The following TRMT44 variants were observed in gnomAD, a reference collection of about 807,000 sequenced individuals.
The protein encoded by TRMT44 is tRNA methyltransferase 44 homolog, also known as probable tRNA (uracil-O(2)-)-methyltransferase.
In TRMT44, 78 loss-of-function variants were observed where a neutral mutation model predicts 77.3. That is an observed-to-expected ratio of 1.01 (90% CI 0.84 to 1.22). The LOEUF is 1.22. Among genes scored for constraint, TRMT44 ranks in the 50% most tolerant of loss-of-function variants. TRMT44 has a pLI of 0.00. For synonymous variants in TRMT44, 391 were observed against 383.3 expected (o/e 1.02, Z -0.23); for missense variants, 1,090 against 964.4 (o/e 1.13, Z -1.73).
At chr4:8,448,767 C>G (rs1453160952) in intron 2 of TRMT44, among the ~76,000 whole-genome samples, 1 of 152,208 alleles carries the variant, frequency 6.6e-6, no homozygotes, top group Non-Finnish European at 1.5e-5. Context: ...TGGCAGAAAA[C>G]CTGGAAACCA....
rs576381777 is a variant in TRMT44, at chr4:8,452,595, G to A, written c.1024-287G>A. On this transcript the variant is annotated intron_variant, in intron 4 of 10. Transcript: ENST00000389737. The surrounding 1 kb of genome is among the most constrained non-coding windows in gnomAD (Gnocchi z 5.7). ...ACTAAAAATACAAAATTAGCCAGGC[G>A]TGGTGGCAGGAGCCCATAGTTCCAG... 1.8e-4 allele frequency among the ~76,000 whole-genome samples: 28 copies of A among 152,254 alleles called. No individual in the cohort carries two copies. Among genetic ancestry groups the A allele is most frequent in the Non-Finnish European group, 3.4e-4 (23 of 68,022 alleles).
Position 8,449,749 on chromosome 4 carries a change from AAG to A in TRMT44, c.818_819del (p.Glu273ValfsTer16). 1 of 1,536,016 alleles carries A rather than the reference AAG, an allele frequency of 6.5e-7. No homozygotes were observed. Among genetic ancestry groups the A allele is most frequent in the Non-Finnish European group, 8.7e-7 (1 of 1,146,896 alleles). Reference sequence around the variant, plus strand: ...TATCCCAAACCCACGTGGCTTGGAGAAGAGTTGCTGGCCAAGTTGGCCAAGTG... The same window carrying A: ...TATCCCAAACCCACGTGGCTTGGAGAAGTTGCTGGCCAAGTTGGCCAAGTG... On this transcript the variant is annotated frameshift_variant, in exon 3 of 11. Coordinates refer to ENST00000389737, the MANE Select transcript of TRMT44 (RefSeq NM_152544.3). LOFTEE classifies it high-confidence loss of function.
chr4:8,486,917 G>C (rs1181527966), intron 2 of TRMT44, among the ~76,000 whole-genome samples: 5 of 152,154 alleles, frequency 3.3e-5, no homozygotes. Context: ...GGGAGGAGGG[G>C]AGAGGTCAGA....
At chr4:8,505,895 T>C in the TRMT44 span, among the ~76,000 whole-genome samples, 2 of 152,204 alleles carry the variant, frequency 1.3e-5, no homozygotes, top group South Asian at 2.1e-4. Context: ...CACTTCTGTC[T>C]CCTGCCACCA....
At chr4:8,501,418 A>C in the TRMT44 span, among the ~76,000 whole-genome samples, 5 of 152,146 alleles carry the variant, frequency 3.3e-5, no homozygotes, top group African/African-American at 1.2e-4. The surrounding 1 kb of genome is among the most constrained non-coding windows in gnomAD (Gnocchi z 4.4). Flanking sequence ...TCTGCCTCAA[A>C]AACTTGCAAC....
chr4:8,479,893 T>C (rs893621779), downstream of TRMT44, among the ~76,000 whole-genome samples: 3 of 152,194 alleles, frequency 2.0e-5, no homozygotes, highest in East Asian at 5.8e-4. Context: ...ATTTTGTTTT[T>C]TTGAGACGGG....
Position 8,476,020 on chromosome 4 carries a change from G to C in TRMT44, c.*19G>C, listed in dbSNP as rs549467599. 1.9e-6 allele frequency: 3 copies of C among 1,610,040 alleles called. No individual in the cohort carries two copies. The highest frequency in any genetic ancestry group is 1.7e-5 in the Admixed American group (1 of 59,884). On this transcript the variant is annotated 3_prime_UTR_variant, in exon 11 of 11. Transcript: ENST00000389737. ...TTCATGAGCTGCATCCTTGCCAGCC[G>C]AGGCCTGGTTGGGGAGGCCAAACCA...
At position 8,446,698 on chromosome 4, in the gene TRMT44, G is replaced by A; in HGVS notation, c.734+108G>A. ...GGCTTAAGGTCCTGTCTCTGAGGTGGTTATGGTTTGTAGGAATGCAGTTGC... is the reference window on the plus strand; with the variant it reads ...GGCTTAAGGTCCTGTCTCTGAGGTGATTATGGTTTGTAGGAATGCAGTTGC... On this transcript the variant is annotated intron_variant, in intron 2 of 10. Transcript: ENST00000389737. This position sits in a 1 kb window ranked among gnomAD's most constrained non-coding sequence, Gnocchi z 4.3. 4 of 702,656 alleles carry A rather than the reference G, an allele frequency of 5.7e-6. No individual in the cohort carries two copies. The highest frequency in any genetic ancestry group is 2.7e-4 in the Middle Eastern group (1 of 3,662). The allele number at this position is 702,656 out of a possible 1,614,324, so 43.5% of individuals were successfully genotyped here.
At chr4:8,447,796 A>C (rs1725157485) in intron 2 of TRMT44, among the ~76,000 whole-genome samples, 1 of 152,076 alleles carries the variant, frequency 6.6e-6, no homozygotes, top group Non-Finnish European at 1.5e-5. Context: ...GAGAGTGAGG[A>C]GTGAGAGCAG....
chr4:8,515,530 G>A, the TRMT44 span, among the ~76,000 whole-genome samples: 1 of 152,258 alleles, frequency 6.6e-6, no homozygotes, highest in South Asian at 2.1e-4. Context: ...TGTCACCAGG[G>A]GCAGGGCCAG....
the TRMT44 span, among the ~76,000 whole-genome samples, chr4:8,514,569 G>A: frequency 2.6e-5 from 4 of 152,042 alleles, no homozygotes; most frequent in South Asian, 6.3e-4. Flanking sequence ...GAGCCACTGC[G>A]TGCACTACCT....
chr4:8,461,814 G>A lies in TRMT44; in HGVS notation c.1204-2171G>A, dbSNP rs1209108986. 6.6e-6 allele frequency among the ~76,000 whole-genome samples: 1 copy of A among 152,128 alleles called. No individual in the cohort carries two copies. The highest frequency in any genetic ancestry group is 2.4e-5 in the African/African-American group (1 of 41,436). On this transcript the variant is annotated intron_variant, in intron 6 of 10. Transcript: ENST00000389737. The surrounding 1 kb of genome is among the most constrained non-coding windows in gnomAD (Gnocchi z 4.6). ...CTTGGAGGAGCATGGCCAGAATGAG[G>A]GTGGTTCCGTTGACGTGCACATGGT...
intron 6 of TRMT44, among the ~76,000 whole-genome samples, chr4:8,458,364 T>C (rs1725941496): frequency 6.6e-6 from 1 of 152,162 alleles, no homozygotes; most frequent in African/African-American, 2.4e-5. Flanking sequence ...CTCAGCCTGC[T>C]CAGTGTGAAG....
At chr4:8,467,548 T>C (rs941163683) in intron 8 of TRMT44, among the ~76,000 whole-genome samples, 3 of 152,350 alleles carry the variant, frequency 2.0e-5, no homozygotes, top group African/African-American at 7.2e-5. Flanking sequence ...ATTGGCACAA[T>C]CTTGGCTCAC....
chr4:8,450,024 T>C (rs1725342090), intron 3 of TRMT44, 136 bp downstream of exon 3: 260 of 407,248 alleles, frequency 6.4e-4, no homozygotes, highest in Non-Finnish European at 9.0e-4. Context: ...CAGAGTGAAG[T>C]GGTGTGATCT....
At chr4:8,464,396 G>A (rs1311053921) in intron 7 of TRMT44, among the ~76,000 whole-genome samples, 2 of 152,124 alleles carry the variant, frequency 1.3e-5, no homozygotes, top group African/African-American at 4.8e-5. Context: ...ATTTATATCC[G>A]GTGTCAAAAG....
chr4:8,468,019 C>T lies in TRMT44; in HGVS notation c.1600C>T (p.Pro534Ser), dbSNP rs150763499. The T allele has an allele frequency of 1.9e-6, 3 of 1,613,874 alleles. No homozygotes were observed. Among genetic ancestry groups the T allele is most frequent in the Non-Finnish European group, 2.5e-6 (3 of 1,180,042 alleles). ...IKSRRGCPVS[P>S]PGWELSPSPR... ...GAGCAGGCGGGGCTGCCCTGTAAGC[C>T]CACCTGGCTGGGAGCTTTCCCCTTC... The change falls in exon 9 of 11, where the codon CCA becomes TCA. Residue 534 changes from proline to serine, a missense_variant. Coordinates refer to ENST00000389737, the MANE Select transcript of TRMT44 (RefSeq NM_152544.3).
At position 8,467,974 on chromosome 4, in the gene TRMT44, AAGAGG is replaced by A. The variant is rs547783224; in HGVS notation, c.1557_1561del (p.Lys519AsnfsTer5). On this transcript the variant is annotated frameshift_variant, in exon 9 of 11. Transcript: ENST00000389737. LOFTEE classifies it high-confidence loss of function. ...CTCCAGAGAAGCTTCCGTGGATGAA[AAGAGG>A]ACTCAGTACATTAAGAGCAGGCGGG... 2.2e-5 allele frequency: 36 copies of A among 1,614,138 alleles called. No individual in the cohort carries two copies. In the South Asian group the frequency reaches 3.4e-4, roughly 15 times the overall value.
At chr4:8,514,448 A>AT in the TRMT44 span, among the ~76,000 whole-genome samples, 3 of 150,680 alleles carry the variant, frequency 2.0e-5, no homozygotes, top group Non-Finnish European at 1.5e-5. Flanking sequence ...TCATTTTTGT[A>AT]TTTTTTTTAG....
Sources: gnomAD v4.1 joint callset for allele counts (sites outside exome capture counted in the v4.1 genomes callset) on GRCh38, gnomAD v4.1.1 for gene constraint, Gnocchi (gnomAD v3.1) non-coding constraint, MANE v1.5 for transcripts, NCBI Gene and HGNC (gene_info 2026-07-23, HGNC 2026-07-21) for gene names.